The following MCC variants were observed in gnomAD, a reference collection of about 807,000 sequenced individuals.
The protein encoded by MCC is MCC regulator of Wnt signaling pathway.
A neutral mutation model predicts 116.2 loss-of-function variants in MCC; 90 were observed. The observed-to-expected ratio is 0.77, with a 90% CI of 0.65 to 0.92. The LOEUF is 0.92. MCC is among the 40% of genes least tolerant of loss of function. The pLI, the probability that MCC is intolerant of heterozygous loss-of-function variation, is 0.00. For missense variants in MCC, 1,516 were observed against 1,312.2 expected (o/e 1.16, Z -2.40); for synonymous variants, 578 against 510.5 (o/e 1.13, Z -1.78).
chr5:113,160,113 C>G (rs1004825422), intron 3 of MCC, among the ~76,000 whole-genome samples: 2 of 152,190 alleles, frequency 1.3e-5, no homozygotes, highest in African/African-American at 4.8e-5. Flanking sequence ...GAAAGATTAA[C>G]CCTACCCAAG....
chr5:113,057,663 AC>A (rs1752924806), intron 14 of MCC, among the ~76,000 whole-genome samples: 1 of 152,068 alleles, frequency 6.6e-6, no homozygotes, highest in Admixed American at 6.5e-5. Context: ...CATCCAAAGG[AC>A]CCTCAGCATC....
intron 3 of MCC, among the ~76,000 whole-genome samples, chr5:113,241,726 A>T (rs985009364): frequency 2.0e-5 from 3 of 152,230 alleles, no homozygotes; most frequent in Admixed American, 2.0e-4. Flanking sequence ...GAAAGCATGT[A>T]ATCTGAGCCA....
In MCC at chr5:113,033,743, A is replaced by G. The variant is rs182755308; in HGVS notation, c.2757-4687T>C. Among the ~76,000 whole-genome samples, 83 of 152,354 alleles carry G rather than the reference A, an allele frequency of 5.4e-4. 1 individual carries two copies. The East Asian group carries it at 0.015, about 27-fold the overall frequency. ...CTCACAAATATACCCCATAGCATCA[A>G]GCAAAAACAATGCTGGATTGTAATG... On this transcript the variant is annotated intron_variant, in intron 17 of 18. Transcript: ENST00000408903.
chr5:113,240,941 C>T (rs971283498), intron 3 of MCC, among the ~76,000 whole-genome samples: 2 of 152,186 alleles, frequency 1.3e-5, no homozygotes, highest in Non-Finnish European at 2.9e-5. Context: ...GAAGAAGACA[C>T]CTTTGCCCCA....
intron 3 of MCC, among the ~76,000 whole-genome samples, chr5:113,187,415 G>C: frequency 6.6e-6 from 1 of 152,188 alleles, no homozygotes; most frequent in African/African-American, 2.4e-5. Flanking sequence ...GGCCTCCTCT[G>C]TTTCCTTTTA....
intron 3 of MCC, among the ~76,000 whole-genome samples, chr5:113,176,736 T>A (rs1761355320): frequency 6.6e-6 from 1 of 152,242 alleles, no homozygotes; most frequent in African/African-American, 2.4e-5. Flanking sequence ...CAGGCCCATT[T>A]ACCCAAACCA....
chr5:113,429,279 G>A (rs1263478856), intron 1 of MCC, among the ~76,000 whole-genome samples: 1 of 152,046 alleles, frequency 6.6e-6, no homozygotes, highest in Admixed American at 6.5e-5. Flanking sequence ...GACAGAAAGA[G>A]AGAGAGAGAG....
intron 3 of MCC, among the ~76,000 whole-genome samples, chr5:113,178,274 G>C (rs367942385): frequency 1.3e-5 from 2 of 152,332 alleles, no homozygotes; most frequent in East Asian, 3.9e-4. Flanking sequence ...GCAGTGGCGA[G>C]TGGACCATCT....
intron 1 of MCC, among the ~76,000 whole-genome samples, chr5:113,457,394 C>T (rs1211797895): frequency 6.6e-6 from 1 of 152,222 alleles, no homozygotes; most frequent in South Asian, 2.1e-4. Context: ...GAGCAGGCCT[C>T]GGGACTGCAG....
At chr5:113,285,484 G>A (rs760401953) in intron 3 of MCC, among the ~76,000 whole-genome samples, 5 of 151,698 alleles carry the variant, frequency 3.3e-5, no homozygotes, top group African/African-American at 4.8e-5. Flanking sequence ...CTGTTTTCTT[G>A]GACCTCATCT....
chr5:113,348,552 G>A (rs1020518931), intron 2 of MCC, among the ~76,000 whole-genome samples: 2 of 151,960 alleles, frequency 1.3e-5, no homozygotes, highest in Non-Finnish European at 2.9e-5. Context: ...AAATCTATGG[G>A]ATACAGTGAA....
intron 2 of MCC, among the ~76,000 whole-genome samples, chr5:113,376,579 A>ACC (rs1334552628): frequency 6.9e-6 from 1 of 145,900 alleles, no homozygotes; most frequent in East Asian, 2.0e-4. Context: ...TTTTATACAC[A>ACC]CACACACACA....
intron 9 of MCC, 125 bp downstream of exon 9, chr5:113,085,039 G>T: frequency 3.8e-6 from 5 of 1,326,282 alleles, no homozygotes; most frequent in Middle Eastern, 5.2e-4. Context: ...CCTGCGTAAG[G>T]TCCCAGGGGA....
intron 3 of MCC, among the ~76,000 whole-genome samples, chr5:113,183,502 C>T (rs996849356): frequency 6.6e-6 from 1 of 150,624 alleles, no homozygotes; most frequent in African/African-American, 2.5e-5. Flanking sequence ...ACAAAGTCAG[C>T]TACCTCCCTC....
In MCC at chr5:113,111,103, T is replaced by C. The variant is rs142947161; in HGVS notation, c.1028-6748A>G. 8.2e-3 allele frequency among the ~76,000 whole-genome samples: 1,253 copies of C among 152,326 alleles called. 12 individuals are homozygous for C. Among genetic ancestry groups the C allele is most frequent in the Non-Finnish European group, 0.011 (719 of 68,036 alleles). ...TCAATAATACACAGCTCAGGTTATATTTTTCTAAGGAGAACCAGAGCCTTA... is the reference window on the plus strand; with the variant it reads ...TCAATAATACACAGCTCAGGTTATACTTTTCTAAGGAGAACCAGAGCCTTA... On this transcript the variant is annotated intron_variant, in intron 6 of 18. Transcript: ENST00000408903.
rs188731656 is a variant in MCC at position 113,485,973 on chromosome 5, A to G, written c.170+2272T>C. 2.0e-3 allele frequency among the ~76,000 whole-genome samples: 311 copies of G among 152,370 alleles called. 1 individual carries two copies. Among genetic ancestry groups the G allele is most frequent in the Non-Finnish European group, 3.1e-3 (211 of 68,032 alleles). On this transcript the variant is annotated intron_variant, in intron 1 of 18. Transcript: ENST00000408903. ...TCACCCACTACAGAGTGGTAAGTACAGGTCATTAAATGAAAGCAGCACAGA... is the reference window on the plus strand; with the variant it reads ...TCACCCACTACAGAGTGGTAAGTACGGGTCATTAAATGAAAGCAGCACAGA...
At chr5:113,290,734 G>A (rs1581373697) in intron 3 of MCC, among the ~76,000 whole-genome samples, 1 of 152,126 alleles carries the variant, frequency 6.6e-6, no homozygotes, top group South Asian at 2.1e-4. Context: ...GGAAGATTTC[G>A]GGAGAATTTA....
chr5:113,310,995 G>C (rs115007168), intron 3 of MCC, among the ~76,000 whole-genome samples: 3,141 of 152,288 alleles, frequency 0.021, 32 homozygotes, highest in Middle Eastern at 0.027. Flanking sequence ...TGGGCACAGT[G>C]GCTCATGCCT....
intron 1 of MCC, among the ~76,000 whole-genome samples, chr5:113,403,954 C>T (rs764483255): frequency 1.3e-5 from 2 of 152,132 alleles, no homozygotes; most frequent in Non-Finnish European, 2.9e-5. Context: ...GCAACCTCCG[C>T]CTCCCGGGTT....
Sources: gnomAD v4.1 joint callset for allele counts (sites outside exome capture counted in the v4.1 genomes callset) on GRCh38, gnomAD v4.1.1 for gene constraint, MANE v1.5 for transcripts, NCBI Gene and HGNC (gene_info 2026-07-23, HGNC 2026-07-21) for gene names.